Variants in EXOC5 observed in about 807,000 individuals in gnomAD.
EXOC5 encodes the protein SEC10-like 1.
In EXOC5, 17 loss-of-function variants were observed where a neutral mutation model predicts 90.8. That is an observed-to-expected ratio of 0.19 (90% CI 0.13 to 0.28). The LOEUF is 0.28. Among genes scored for constraint, EXOC5 ranks in the 10% least tolerant of loss-of-function variants. The probability of loss-of-function intolerance (pLI) is 1.00; values close to 1 mark genes in which losing one functional copy is unlikely to be tolerated. For synonymous variants in EXOC5, 260 were observed against 270.0 expected (o/e 0.96, Z 0.36); for missense variants, 569 against 830.6 (o/e 0.69, Z 3.87).
chr14:57,244,874 C>A (rs1375289719), intron 3 of EXOC5, among the ~76,000 whole-genome samples: 5 of 151,918 alleles, frequency 3.3e-5, no homozygotes, highest in Non-Finnish European at 7.4e-5. Context: ...GTGGGCCCTG[C>A]AACCCCAGCT....
intron 1 of EXOC5, among the ~76,000 whole-genome samples, chr14:57,253,245 A>G (rs1240967159): frequency 6.6e-6 from 1 of 152,222 alleles, no homozygotes; most frequent in Admixed American, 6.5e-5. Context: ...CTAACAATGA[A>G]CAATCTAAAA....
chr14:57,227,432 T>C (rs1169379666), intron 12 of EXOC5, among the ~76,000 whole-genome samples: 2 of 152,214 alleles, frequency 1.3e-5, no homozygotes, highest in Non-Finnish European at 2.9e-5. Flanking sequence ...CTCTTTTTCA[T>C]GGACACTGAG....
intron 1 of EXOC5, among the ~76,000 whole-genome samples, chr14:57,262,573 T>TAA (rs1229881715): frequency 6.8e-6 from 1 of 147,890 alleles, no homozygotes; most frequent in African/African-American, 2.5e-5. Flanking sequence ...TGTATATATA[T>TAA]ATACGTATAT....
chr14:57,237,669 TCAACTGCTCTG>T (rs1883703717), intron 5 of EXOC5: 1 of 249,892 alleles, frequency 4.0e-6, no homozygotes, highest in African/African-American at 2.3e-5. Flanking sequence ...TTTTAAAGAA[TCAACTGCTCTG>T]CATAAGACAC....
intron 1 of EXOC5, among the ~76,000 whole-genome samples, chr14:57,259,020 C>T (rs1451618583): frequency 6.6e-6 from 1 of 152,112 alleles, no homozygotes; most frequent in African/African-American, 2.4e-5. Flanking sequence ...ATTATGGATA[C>T]CACTGTCTAA....
intron 3 of EXOC5, among the ~76,000 whole-genome samples, chr14:57,245,294 A>C (rs1884002058): frequency 6.6e-6 from 1 of 152,124 alleles, no homozygotes; most frequent in Admixed American, 6.6e-5. Flanking sequence ...TGAGGTGGGG[A>C]AGAGCTGTAA....
At chr14:57,257,162 G>A (rs972847421) in intron 1 of EXOC5, among the ~76,000 whole-genome samples, 1 of 151,960 alleles carries the variant, frequency 6.6e-6, no homozygotes, top group Non-Finnish European at 1.5e-5. Flanking sequence ...CTGGATATGT[G>A]GAGAAAGAAA....
chr14:57,231,462 T>A (rs376429917), intron 11 of EXOC5, 44 bp downstream of exon 11: 54 of 1,334,644 alleles, frequency 4.0e-5, no homozygotes, highest in Middle Eastern at 2.6e-4. Context: ...ATGAAGTTAT[T>A]AATGTCTTCA....
At position 57,229,746 on chromosome 14, in the gene EXOC5, T is replaced by C; in HGVS notation, c.1284A>G (p.Glu428=). Residue 428 remains glutamate (E), a synonymous_variant, in exon 12 of 18, where the codon GAA becomes GAG. Coordinates refer to ENST00000621441, the MANE Select transcript of EXOC5 (RefSeq NM_006544.4). The stretch of plus-strand genomic sequence containing the variant: ...CAATCACTCTTACCCTATGACATCT[T>C]TCAAAGGCTTGTTTGGTTTCTTGTA... ...NLLQETKQAF[E]RCHRLSDPSD... is the part of the protein sequence containing the mutation. 6.6e-7 allele frequency: 1 copy of C among 1,521,488 alleles called. No individual in the cohort carries two copies. Among genetic ancestry groups the C allele is most frequent in the Non-Finnish European group, 8.9e-7 (1 of 1,126,894 alleles). 94.2% of individuals were successfully genotyped at this position (1,521,488 alleles called of 1,614,324 possible).
rs1478730509 is a variant in EXOC5, at chr14:57,201,122, A to C, written c.*7487T>G. The C allele has an allele frequency of 6.6e-6, 1 of 152,124 alleles. No homozygotes were observed. The highest frequency in any genetic ancestry group is 1.5e-5 in the Non-Finnish European group (1 of 68,040). 9.4% of individuals were successfully genotyped at this position (152,124 alleles called of 1,614,324 possible). On this transcript the variant is annotated 3_prime_UTR_variant, in exon 18 of 18. Transcript: ENST00000621441. ...TAGGGTGAGACATCTCAATAATAAT[A>C]AGCACATCTCATGCACAAATCTTGA...
chr14:57,261,402 A>G (rs1229045758), intron 1 of EXOC5, among the ~76,000 whole-genome samples: 1 of 152,234 alleles, frequency 6.6e-6, no homozygotes, highest in African/African-American at 2.4e-5. Flanking sequence ...TGCTTATTCC[A>G]AAAGTTCACT....
intron 5 of EXOC5, 139 bp downstream of exon 5, chr14:57,239,451 ATAAAC>A: frequency 1.7e-6 from 1 of 598,032 alleles, no homozygotes; most frequent in South Asian, 2.3e-5. Context: ...TACAAAGTGA[ATAAAC>A]TAGCAAGTAA....
rs371926496 is a variant in EXOC5, at chr14:57,231,391, A to G, written c.1148+115T>C. ...GATCAATAATATAACAATCTGGATT[A>G]AAAGAACTCTTCACAGAAAATTCTA... is the stretch of plus-strand genomic sequence containing the variant. On this transcript the variant is annotated intron_variant, in intron 11 of 17. Transcript: ENST00000621441. The G allele has an allele frequency of 1.3e-5, 9 of 680,122 alleles. No individual in the cohort carries two copies. The South Asian group carries it at 1.4e-4, about 10-fold the overall frequency. The allele number at this position is 680,122 out of a possible 1,614,324, so 42.1% of individuals were successfully genotyped here. A position where few individuals can be genotyped will look rare whatever the true frequency, so the allele number is the denominator to read the frequency against.
At chr14:57,266,744 T>C (rs1884681192) in intron 1 of EXOC5, among the ~76,000 whole-genome samples, 1 of 150,072 alleles carries the variant, frequency 6.7e-6, no homozygotes, top group African/African-American at 2.4e-5. Context: ...TGTATATATA[T>C]ATATATATAA....
chr14:57,246,675 C>T, intron 3 of EXOC5, 36 bp downstream of exon 3: 2 of 1,545,384 alleles, frequency 1.3e-6, no homozygotes, highest in Non-Finnish European at 8.9e-7. Context: ...ATATTATAGC[C>T]TATATAAAAT....
intron 1 of EXOC5, among the ~76,000 whole-genome samples, chr14:57,261,613 G>C (rs1022787316): frequency 2.6e-5 from 4 of 152,184 alleles, no homozygotes; most frequent in Non-Finnish European, 5.9e-5. Flanking sequence ...ATAGTTAGTG[G>C]CCTAAAATAA....
rs945666600 is a variant in EXOC5 at position 57,202,185 on chromosome 14, C to A, written c.*6424G>T. ...GTAGGGGTGTTTTACAAAGTAACTA[C>A]CCTATAATCTATAAAAATGTCCAGA... On this transcript the variant is annotated 3_prime_UTR_variant, in exon 18 of 18. Transcript: ENST00000621441. 3 of 152,178 alleles carry A rather than the reference C, an allele frequency of 2.0e-5. No individual in the cohort carries two copies. The highest frequency in any genetic ancestry group is 3.4e-3 in the Middle Eastern group (1 of 294). 9.4% of individuals were successfully genotyped at this position (152,178 alleles called of 1,614,324 possible).
intron 9 of EXOC5, 116 bp downstream of exon 9, chr14:57,233,627 T>A (rs928291277): frequency 1.6e-6 from 1 of 635,320 alleles, no homozygotes. Flanking sequence ...TTAACTAGAT[T>A]ACTATTTCTA....
chr14:57,263,788 G>T (rs1470335591), intron 1 of EXOC5, among the ~76,000 whole-genome samples: 1 of 140,066 alleles, frequency 7.1e-6, no homozygotes, highest in Non-Finnish European at 1.5e-5. Context: ...AACTGCCCTC[G>T]AACTCCTATG....
Sources: gnomAD v4.1 joint callset for allele counts (sites outside exome capture counted in the v4.1 genomes callset) on GRCh38, gnomAD v4.1.1 for gene constraint, MANE v1.5 for transcripts, NCBI Gene and HGNC (gene_info 2026-07-23, HGNC 2026-07-21) for gene names.